Variants in CNTNAP2 observed in about 807,000 individuals in gnomAD.
CNTNAP2 encodes the protein contactin-associated protein-like 2.
CNTNAP2 carries 98 observed loss-of-function variants against 155.2 expected under a neutral mutation model. That is an observed-to-expected ratio of 0.63 (90% confidence interval 0.54 to 0.75). The LOEUF is 0.75. Ranked by LOEUF, CNTNAP2 falls within the 30% of genes least tolerant of loss-of-function variation. The pLI is 0.00. For synonymous variants in CNTNAP2, 651 were observed against 631.2 expected, an observed-to-expected ratio of 1.03 and a Z score of -0.47; for missense variants, 1,727 against 1,688.1, an observed-to-expected ratio of 1.02 and a Z score of -0.40.
chr7:147,676,673 C>T (rs772871952), intron 13 of CNTNAP2, among the ~76,000 whole-genome samples: 5 of 151,898 alleles, frequency 3.3e-5, no homozygotes, highest in African/African-American at 9.7e-5. Context: ...CACCAACTAC[C>T]CCAGCCCCTG....
At chr7:148,388,640 G>GT (rs1372131780) in intron 22 of CNTNAP2, among the ~76,000 whole-genome samples, 2 of 152,092 alleles carry the variant, frequency 1.3e-5, no homozygotes, top group African/African-American at 4.8e-5. Context: ...TTTCTGCTCT[G>GT]TTTTTTCCCT....
At chr7:147,250,258 A>G (rs1584819619) in intron 8 of CNTNAP2, among the ~76,000 whole-genome samples, 1 of 152,154 alleles carries the variant, frequency 6.6e-6, no homozygotes, top group East Asian at 1.9e-4. Flanking sequence ...GCAAATGTTA[A>G]ACTTGTTACC....
chr7:146,152,550 G>T (rs1798067660), intron 1 of CNTNAP2, among the ~76,000 whole-genome samples: 1 of 152,002 alleles, frequency 6.6e-6, no homozygotes, highest in Non-Finnish European at 1.5e-5. Context: ...ATTATGTGAA[G>T]TTATCCATAT....
At chr7:148,115,446 T>A (rs1804447103) in intron 15 of CNTNAP2, among the ~76,000 whole-genome samples, 1 of 152,214 alleles carries the variant, frequency 6.6e-6, no homozygotes, top group Admixed American at 6.5e-5. Context: ...AGAGACAGAA[T>A]TGCTTTGCTT....
chr7:146,487,935 A>G (rs974704363), intron 1 of CNTNAP2, among the ~76,000 whole-genome samples: 50 of 152,328 alleles, frequency 3.3e-4, no homozygotes, highest in African/African-American at 1.1e-3. Flanking sequence ...TTAAAGGTTA[A>G]TAGAACTGCG....
chr7:147,804,558 G>A (rs1488964930), intron 13 of CNTNAP2, among the ~76,000 whole-genome samples: 1 of 144,096 alleles, frequency 6.9e-6, no homozygotes, highest in South Asian at 2.2e-4. Flanking sequence ...TTTTTTGTTT[G>A]TTTGTTTTAT....
chr7:147,719,971 C>A (rs1796540183), intron 13 of CNTNAP2, among the ~76,000 whole-genome samples: 1 of 152,016 alleles, frequency 6.6e-6, no homozygotes, highest in Non-Finnish European at 1.5e-5. Flanking sequence ...TGTAACACAC[C>A]CACCTTGTAC....
chr7:146,823,637 T>C (rs1284007013), intron 2 of CNTNAP2, among the ~76,000 whole-genome samples: 1 of 151,570 alleles, frequency 6.6e-6, no homozygotes, highest in Non-Finnish European at 1.5e-5. Flanking sequence ...CATGGAAATA[T>C]ACTCATTCTT....
chr7:147,820,321 A>G (rs577774478), intron 13 of CNTNAP2, among the ~76,000 whole-genome samples: 1 of 149,588 alleles, frequency 6.7e-6, no homozygotes, highest in East Asian at 1.9e-4. Flanking sequence ...ATGTCTGTTC[A>G]ATTTGTTGTT....
intron 13 of CNTNAP2, among the ~76,000 whole-genome samples, chr7:147,880,250 G>GA (rs1799495630): frequency 6.6e-6 from 1 of 152,166 alleles, no homozygotes. Context: ...ATGGACAAAA[G>GA]AAACAGTGGA....
chr7:146,237,050 C>T (rs1799486005), intron 1 of CNTNAP2, among the ~76,000 whole-genome samples: 1 of 151,624 alleles, frequency 6.6e-6, no homozygotes, highest in Admixed American at 6.6e-5. Flanking sequence ...TAGAGAAAAA[C>T]ACGGGGGGAG....
intron 12 of CNTNAP2, among the ~76,000 whole-genome samples, chr7:147,591,775 A>G (rs1466840718): frequency 1.3e-5 from 2 of 152,126 alleles, no homozygotes; most frequent in Non-Finnish European, 2.9e-5. Flanking sequence ...GGCATACTGT[A>G]TCCTCAAAGA....
chr7:148,035,896 T>C (rs1003706679), intron 15 of CNTNAP2, among the ~76,000 whole-genome samples: 1 of 152,220 alleles, frequency 6.6e-6, no homozygotes, highest in East Asian at 1.9e-4. Flanking sequence ...CTCCAGTGTG[T>C]TCAGCACAAG....
At chr7:146,217,653 T>C (rs77013342) in intron 1 of CNTNAP2, among the ~76,000 whole-genome samples, 1 of 152,154 alleles carries the variant, frequency 6.6e-6, no homozygotes, top group Non-Finnish European at 1.5e-5. Flanking sequence ...TATGTGCCCA[T>C]GTGAAAGAAA....
chr7:146,638,554 G>A (rs1246803764), intron 1 of CNTNAP2, among the ~76,000 whole-genome samples: 1 of 129,388 alleles, frequency 7.7e-6, no homozygotes, highest in Non-Finnish European at 1.6e-5. Context: ...GTTCGATTTC[G>A]GCTCACTGCA....
intron 8 of CNTNAP2, among the ~76,000 whole-genome samples, chr7:147,188,656 C>G (rs973095100): frequency 6.6e-6 from 1 of 152,064 alleles, no homozygotes; most frequent in African/African-American, 2.4e-5. Flanking sequence ...GGAAGTAGTT[C>G]AAGGTGCAAA....
intron 16 of CNTNAP2, among the ~76,000 whole-genome samples, chr7:148,123,649 AAG>A (rs1205605819): frequency 1.5e-5 from 2 of 135,988 alleles, no homozygotes; most frequent in African/African-American, 3.0e-5. Flanking sequence ...GGAAGGAAGG[AAG>A]GAAGGAAGGA....
At chr7:148,399,218 C>T (rs997366950) in intron 22 of CNTNAP2, among the ~76,000 whole-genome samples, 3 of 152,166 alleles carry the variant, frequency 2.0e-5, no homozygotes, top group Admixed American at 6.5e-5. Context: ...GGCTGTATCC[C>T]GCATTGCACC....
intron 3 of CNTNAP2, among the ~76,000 whole-genome samples, chr7:146,870,969 A>C (rs1000532317): frequency 6.6e-6 from 1 of 152,194 alleles, no homozygotes; most frequent in Non-Finnish European, 1.5e-5. Flanking sequence ...AAAAGACTAA[A>C]CATAATTTTT....
Sources: allele counts gnomAD v4.1 joint callset (sites outside exome capture counted in the v4.1 genomes callset), GRCh38; gene constraint gnomAD v4.1.1; transcripts MANE v1.5; gene names NCBI Gene and HGNC (gene_info 2026-07-23, HGNC 2026-07-21).